ADAMTS19: variants seen among roughly 807,000 people sequenced by gnomAD.
The protein encoded by ADAMTS19 is A disintegrin and metalloproteinase with thrombospondin motifs 19.
ADAMTS19 carries 93 observed loss-of-function variants against 153.3 expected under a neutral mutation model. That is an observed-to-expected ratio of 0.61 (90% CI 0.51 to 0.72). The LOEUF is 0.72. Ranked by LOEUF, ADAMTS19 falls within the 30% of genes least tolerant of loss-of-function variation. The probability of loss-of-function intolerance (pLI) is 0.00; values close to 1 mark genes in which losing one functional copy is unlikely to be tolerated. For missense variants in ADAMTS19, 1,482 were observed against 1,552.1 expected, an observed-to-expected ratio of 0.95 and a Z score of 0.76; for synonymous variants, 600 against 556.6, an observed-to-expected ratio of 1.08 and a Z score of -1.10.
chr5:129,666,593 C>A (rs1264532675), intron 16 of ADAMTS19, among the ~76,000 whole-genome samples: 1 of 151,946 alleles, frequency 6.6e-6, no homozygotes, highest in Admixed American at 6.6e-5. Context: ...AAGTCTAGGA[C>A]TAGAAAAATT....
At chr5:129,568,204 TA>T (rs2126857718) in intron 7 of ADAMTS19, among the ~76,000 whole-genome samples, 1 of 152,170 alleles carries the variant, frequency 6.6e-6, no homozygotes, top group South Asian at 2.1e-4. Flanking sequence ...ATGCAGAAAG[TA>T]AAAGAAATGA....
In ADAMTS19 at chr5:129,460,448, C is replaced by G; in HGVS notation, c.57C>G (p.Tyr19Ter). 1 of 1,614,164 alleles carries G rather than the reference C, an allele frequency of 6.2e-7. No individual in the cohort carries two copies. The highest frequency in any genetic ancestry group is 8.5e-7 in the Non-Finnish European group (1 of 1,180,014). The change falls in exon 1 of 23, where the codon TAC (tyrosine) becomes TAG (stop). Residue 19 changes from tyrosine (Y) to a stop codon, truncating the protein, a stop_gained. Coordinates refer to ENST00000274487, the MANE Select transcript of ADAMTS19 (RefSeq NM_133638.6). LOFTEE classifies it high-confidence loss of function. ...LTHICCCCLLYQLGFLSNGIV... is the reference protein window; with the variant it reads ...LTHICCCCLL Reference sequence around the variant, plus strand: ...ACATCTGCTGCTGCTGCCTCCTTTACCAGCTGGGGTTCCTGTCGAATGGGA... The same window carrying G: ...ACATCTGCTGCTGCTGCCTCCTTTAGCAGCTGGGGTTCCTGTCGAATGGGA...
chr5:129,567,124 A>T (rs995958252), intron 7 of ADAMTS19, among the ~76,000 whole-genome samples: 31 of 152,240 alleles, frequency 2.0e-4, no homozygotes, highest in Non-Finnish European at 2.9e-5. Flanking sequence ...TTGAGAACAG[A>T]GCTATTACAA....
intron 8 of ADAMTS19, among the ~76,000 whole-genome samples, chr5:129,614,928 C>T (rs559986191): frequency 2.8e-4 from 42 of 152,218 alleles, no homozygotes; most frequent in African/African-American, 1.0e-3. Flanking sequence ...AGTGAACTCC[C>T]ATTCACAATT....
chr5:129,527,893 T>A, intron 5 of ADAMTS19, 62 bp downstream of exon 5: 2 of 1,045,068 alleles, frequency 1.9e-6, no homozygotes, highest in Non-Finnish European at 3.0e-6. Context: ...CAGAAACTTT[T>A]AAGTAAAGGG....
intron 8 of ADAMTS19, among the ~76,000 whole-genome samples, chr5:129,603,336 A>T (rs765054842): frequency 6.6e-5 from 10 of 152,170 alleles, no homozygotes; most frequent in Non-Finnish European, 1.3e-4. Flanking sequence ...CTTTTTGTGA[A>T]GCATGTAGAC....
intron 10 of ADAMTS19, among the ~76,000 whole-genome samples, chr5:129,628,421 T>A (rs1752149532): frequency 6.6e-6 from 1 of 151,824 alleles, no homozygotes; most frequent in African/African-American, 2.4e-5. Flanking sequence ...TTTACCTATA[T>A]AGCAAACCTG....
Position 129,665,506 on chromosome 5 carries a change from AG to A in ADAMTS19, c.2434del (p.Glu812LysfsTer4). The A allele has an allele frequency of 6.2e-7, 1 of 1,607,880 alleles. No individual in the cohort carries two copies. The highest frequency in any genetic ancestry group is 8.5e-7 in the Non-Finnish European group (1 of 1,175,818). On this transcript the variant is annotated frameshift_variant, in exon 16 of 23. Transcript: ENST00000274487. LOFTEE classifies it high-confidence loss of function. ...FNHTRGAGYV[E>X]VLVIPAGARR... ...TTTTATTGACTCTTACAGGTTATGT[AG>A]AAGTGCTGGTGATACCTGCTGGAGC...
chr5:129,650,684 C>A (rs913454543), intron 13 of ADAMTS19, among the ~76,000 whole-genome samples: 1 of 152,162 alleles, frequency 6.6e-6, no homozygotes, highest in African/African-American at 2.4e-5. Context: ...ATTACCCCCA[C>A]TTTCTCTCAT....
Position 129,704,392 on chromosome 5 carries a change from G to A in ADAMTS19, c.3312+1G>A. The A allele has an allele frequency of 1.9e-6, 3 of 1,613,126 alleles. No individual in the cohort carries two copies. Among genetic ancestry groups the A allele is most frequent in the Non-Finnish European group, 2.5e-6 (3 of 1,179,552 alleles). On this transcript the variant is annotated splice_donor_variant, in intron 21 of 22. Coordinates refer to ENST00000274487, the MANE Select transcript of ADAMTS19 (RefSeq NM_133638.6). LOFTEE classifies it high-confidence loss of function. The stretch of plus-strand genomic sequence containing the variant: ...GTGGCGAATGGGTGACTGGTCTAAG[G>A]TGAGAACCATTCTGTATATTCTCAG...
At chr5:129,528,486 A>C (rs1752091330) in intron 5 of ADAMTS19, 34 bp from the exon 6 acceptor site, 1 of 1,508,734 alleles carries the variant, frequency 6.6e-7, no homozygotes, top group African/African-American at 1.4e-5. Flanking sequence ...ACCTAAGAAT[A>C]ATATGCCTTG....
chr5:129,685,990 A>C (rs1755069731), intron 18 of ADAMTS19, among the ~76,000 whole-genome samples: 1 of 152,206 alleles, frequency 6.6e-6, no homozygotes, highest in Admixed American at 6.5e-5. Context: ...GCTGAGAGTT[A>C]GGGTGGAAAA....
chr5:129,549,195 T>TAAAA (rs1210495739), intron 6 of ADAMTS19, among the ~76,000 whole-genome samples: 1 of 148,406 alleles, frequency 6.7e-6, no homozygotes, highest in Non-Finnish European at 1.5e-5. Flanking sequence ...AATAAATAAA[T>TAAAA]AAATAAATAA....
At chr5:129,633,780 C>A (rs1752412876) in intron 10 of ADAMTS19, among the ~76,000 whole-genome samples, 1 of 152,086 alleles carries the variant, frequency 6.6e-6, no homozygotes, top group South Asian at 2.1e-4. Context: ...TAGATCAATT[C>A]ATTTTTCTCT....
At chr5:129,684,941 CCTGCCACTGCACTCCAGCCTCAGTGG>C in intron 18 of ADAMTS19, among the ~76,000 whole-genome samples, 1 of 151,446 alleles carries the variant, frequency 6.6e-6, no homozygotes, top group African/African-American at 2.4e-5. Flanking sequence ...GAGCCAAGAT[CCTGCCACTGCACTCCAGCCTCAGTGG>C]CAAAGCGAAA....
chr5:129,689,506 C>A lies in ADAMTS19; in HGVS notation c.2819-5214C>A, dbSNP rs555483077. On this transcript the variant is annotated intron_variant, in intron 18 of 22. Transcript: ENST00000274487. Reference sequence around the variant, plus strand: ...GTGGCACAATCTCAGCTCACTGCAACCTCCACCTTGCAGTTTCAAGTGATT... The same window carrying A: ...GTGGCACAATCTCAGCTCACTGCAAACTCCACCTTGCAGTTTCAAGTGATT... Among the ~76,000 whole-genome samples, 5 of 152,262 alleles carry A rather than the reference C, an allele frequency of 3.3e-5. No individual in the cohort carries two copies. The South Asian group carries it at 1.0e-3, about 32-fold the overall frequency.
chr5:129,717,498 G>A (rs183085295), intron 21 of ADAMTS19, among the ~76,000 whole-genome samples: 5 of 152,020 alleles, frequency 3.3e-5, no homozygotes, highest in Admixed American at 3.3e-4. Flanking sequence ...TTCCTATATC[G>A]TAACTCAAAC....
At chr5:129,644,881 A>G (rs1000819788) in intron 11 of ADAMTS19, among the ~76,000 whole-genome samples, 1 of 152,174 alleles carries the variant, frequency 6.6e-6, no homozygotes, top group Non-Finnish European at 1.5e-5. Flanking sequence ...TGAAATTACC[A>G]TCATAATTTA....
intron 2 of ADAMTS19, among the ~76,000 whole-genome samples, chr5:129,488,139 A>G (rs1232629522): frequency 6.6e-6 from 1 of 152,044 alleles, no homozygotes; most frequent in Non-Finnish European, 1.5e-5. Flanking sequence ...TTTTATGTTG[A>G]ATTGAAAATA....
Sources: allele counts gnomAD v4.1 joint callset (sites outside exome capture counted in the v4.1 genomes callset), GRCh38; gene constraint gnomAD v4.1.1; transcripts MANE v1.5; gene names NCBI Gene and HGNC (gene_info 2026-07-23, HGNC 2026-07-21).